Variants in FGD4 observed in about 807,000 individuals in gnomAD.
The protein encoded by FGD4 is FYVE, RhoGEF and PH domain-containing protein 4.
In FGD4, 42 loss-of-function variants were observed where a neutral mutation model predicts 102.0. The ratio of observed to expected loss-of-function variants is 0.41; its 90% CI spans 0.32 to 0.53. FGD4 has a LOEUF of 0.53. Ranked by LOEUF, FGD4 falls within the 20% of genes least tolerant of loss-of-function variation. The probability of loss-of-function intolerance (pLI) is 0.21; values close to 1 mark genes in which losing one functional copy is unlikely to be tolerated. For synonymous variants in FGD4, 380 were observed against 375.7 expected (o/e 1.01, Z -0.13); for missense variants, 902 against 1,078.2 (o/e 0.84, Z 2.29).
intron 2 of FGD4, among the ~76,000 whole-genome samples, chr12:32,565,590 T>C (rs559737191): frequency 1.3e-5 from 2 of 152,230 alleles, no homozygotes; most frequent in African/African-American, 4.8e-5. Flanking sequence ...AGAATTTCAT[T>C]ACTTAAAAAG....
chr12:32,435,554 T>G (rs950081), intron 1 of FGD4, among the ~76,000 whole-genome samples: 50,094 of 151,096 alleles, frequency 0.33, 9,221 homozygotes, highest in African/African-American at 0.48. Context: ...CTTTTTTTTG[T>G]GGTTTCCATC....
At chr12:32,573,210 T>C (rs1031762792) in intron 2 of FGD4, among the ~76,000 whole-genome samples, 7 of 152,196 alleles carry the variant, frequency 4.6e-5, no homozygotes, top group Non-Finnish European at 8.8e-5. Context: ...ATTCTCCTGC[T>C]TCAGCCTCCC....
rs1373401989 is a variant in FGD4, at chr12:32,643,003, C to CAA, written c.*2470_*2471insAA. The CAA allele has an allele frequency of 3.3e-5, 5 of 152,482 alleles. No homozygotes were observed. The highest frequency in any genetic ancestry group is 7.2e-5 in the African/African-American group (3 of 41,432). The allele number at this position is 152,482 out of a possible 1,614,324, so 9.4% of individuals were successfully genotyped here. ...TTGCTTTCCCATTAAAACCAACGTT[C>CAA]CCTGTGGGTCTTAATTCTTTATTTT... is the stretch of plus-strand genomic sequence containing the variant. On this transcript the variant is annotated 3_prime_UTR_variant, in exon 17 of 17. Transcript: ENST00000534526.
chr12:32,421,841 GA>G (rs1478134984), intron 1 of FGD4, among the ~76,000 whole-genome samples: 6 of 152,076 alleles, frequency 3.9e-5, no homozygotes, highest in Non-Finnish European at 8.8e-5. Flanking sequence ...AGCTTGTATA[GA>G]AAAAGATGAG....
intron 1 of FGD4, among the ~76,000 whole-genome samples, chr12:32,543,708 G>T (rs1381759146): frequency 6.6e-6 from 1 of 152,100 alleles, no homozygotes; most frequent in Admixed American, 6.5e-5. Context: ...CTCACTGCAA[G>T]CTCCGCCTCC....
intron 6 of FGD4, 32 bp downstream of exon 6, chr12:32,601,455 A>G: frequency 1.3e-6 from 2 of 1,595,284 alleles, no homozygotes; most frequent in Non-Finnish European, 1.7e-6. Context: ...TGATATGTTT[A>G]AGGCAGTCAT....
chr12:32,439,625 G>C (rs1942359586), intron 1 of FGD4, among the ~76,000 whole-genome samples: 1 of 152,076 alleles, frequency 6.6e-6, no homozygotes, highest in African/African-American at 2.4e-5. Flanking sequence ...TTGACCCTTG[G>C]GAGTTTATTA....
chr12:32,475,603 G>C (rs1033908800), intron 1 of FGD4, among the ~76,000 whole-genome samples: 1 of 152,154 alleles, frequency 6.6e-6, no homozygotes, highest in Non-Finnish European at 1.5e-5. Flanking sequence ...CTCCATCCCA[G>C]ACTTTCTAGA....
intron 1 of FGD4, among the ~76,000 whole-genome samples, chr12:32,535,907 G>A (rs1315820317): frequency 1.3e-5 from 2 of 152,102 alleles, no homozygotes; most frequent in African/African-American, 4.8e-5. Context: ...TTAATGGACA[G>A]CACCCTTTAG....
chr12:32,409,461 C>G (rs2253247), intron 1 of FGD4, among the ~76,000 whole-genome samples: 1 of 151,482 alleles, frequency 6.6e-6, no homozygotes, highest in Non-Finnish European at 1.5e-5. Context: ...GTTAATTTTT[C>G]TATTTTTAGT....
At chr12:32,444,656 C>T (rs1469752075) in intron 1 of FGD4, among the ~76,000 whole-genome samples, 6 of 152,124 alleles carry the variant, frequency 3.9e-5, no homozygotes, top group Admixed American at 6.6e-5. Context: ...CCACCCGCCC[C>T]GGCTTCCTAA....
chr12:32,508,116 G>A (rs529517036), intron 1 of FGD4, among the ~76,000 whole-genome samples: 1 of 152,292 alleles, frequency 6.6e-6, no homozygotes, highest in Admixed American at 6.5e-5. Context: ...GGGTACAGAG[G>A]GGAGGGGTTC....
rs564831974 is a variant in FGD4, at chr12:32,461,169, CAA to C, written c.166+61212_166+61213del. Among the ~76,000 whole-genome samples the C allele has an allele frequency of 9.9e-5, 15 of 152,238 alleles. 1 individual carries two copies. In the South Asian group the frequency reaches 3.1e-3, roughly 32 times the overall value. ...TTTATAACAGAATATTCGGTTATGA[CAA>C]ATTATTTTTCCTTTGGGAAAATATC... On this transcript the variant is annotated intron_variant, in intron 1 of 16. Transcript: ENST00000534526.
At chr12:32,525,591 G>C (rs1345339359) in intron 1 of FGD4, among the ~76,000 whole-genome samples, 1 of 152,240 alleles carries the variant, frequency 6.6e-6, no homozygotes, top group Non-Finnish European at 1.5e-5. Context: ...GATCCCTTCA[G>C]TCCCCCACTG....
At chr12:32,410,006 CAAA>C (rs35504493) in intron 1 of FGD4, among the ~76,000 whole-genome samples, 13 of 108,892 alleles carry the variant, frequency 1.2e-4, no homozygotes, top group Non-Finnish European at 1.4e-4. Context: ...TCTTGTCTCT[CAAA>C]AAAAAAAAAA....
intron 1 of FGD4, among the ~76,000 whole-genome samples, chr12:32,455,328 C>A (rs374400575): frequency 2.7e-4 from 41 of 152,058 alleles, no homozygotes; most frequent in African/African-American, 9.9e-4. Context: ...ATATTTAGAG[C>A]CTTTTTAGAC....
At chr12:32,628,508 A>T (rs2136974199) in intron 14 of FGD4, among the ~76,000 whole-genome samples, 1 of 152,224 alleles carries the variant, frequency 6.6e-6, no homozygotes, top group Admixed American at 6.5e-5. Flanking sequence ...AGATTAAATT[A>T]TGTACAGAGG....
intron 1 of FGD4, among the ~76,000 whole-genome samples, chr12:32,453,232 TATATA>T (rs1565749215): frequency 0.12 from 6,870 of 57,292 alleles, 308 homozygotes; most frequent in South Asian, 0.17. Context: ...TATAGATATA[TATATA>T]TTTTTTTTTT....
intron 5 of FGD4, among the ~76,000 whole-genome samples, chr12:32,599,350 C>T (rs955597042): frequency 2.8e-5 from 4 of 144,862 alleles, no homozygotes; most frequent in Admixed American, 6.9e-5. Flanking sequence ...AAAAATTAGC[C>T]GGGCGTGGTA....
Sources: gnomAD v4.1 joint callset for allele counts (sites outside exome capture counted in the v4.1 genomes callset) on GRCh38, gnomAD v4.1.1 for gene constraint, MANE v1.5 for transcripts, NCBI Gene and HGNC (gene_info 2026-07-23, HGNC 2026-07-21) for gene names.